The following RIMS2 variants were observed in gnomAD, a reference collection of about 807,000 sequenced individuals.
RIMS2 encodes regulating synaptic membrane exocytosis 2.
RIMS2 carries 59 observed loss-of-function variants against 174.4 expected under a neutral mutation model. The ratio of observed to expected loss-of-function variants is 0.34; its 90% CI spans 0.27 to 0.42. RIMS2 has a LOEUF of 0.42. Among genes scored for constraint, RIMS2 ranks in the 10% least tolerant of loss-of-function variants. The pLI is 1.00. For synonymous variants in RIMS2, 606 were observed against 572.5 expected, an observed-to-expected ratio of 1.06 and a Z score of -0.84; for missense variants, 1,620 against 1,666.3, an observed-to-expected ratio of 0.97 and a Z score of 0.48.
intron 19 of RIMS2, among the ~76,000 whole-genome samples, chr8:104,194,885 G>A (rs147921084): frequency 6.6e-6 from 1 of 152,252 alleles, no homozygotes; most frequent in Non-Finnish European, 1.5e-5. Context: ...ACAAACATGT[G>A]GGATTTAAGA....
intron 1 of RIMS2, among the ~76,000 whole-genome samples, chr8:103,623,417 C>T (rs980323272): frequency 2.7e-5 from 4 of 149,248 alleles, no homozygotes; most frequent in Admixed American, 6.7e-5. Context: ...ATAATTGGCT[C>T]TCAATAAATG....
intron 3 of RIMS2, among the ~76,000 whole-genome samples, chr8:103,786,346 C>A (rs983775881): frequency 5.3e-5 from 8 of 151,958 alleles, no homozygotes; most frequent in Admixed American, 2.6e-4. Context: ...TTTTCTAGTT[C>A]TTTTAATTGT....
chr8:103,977,171 T>A (rs930520993), intron 16 of RIMS2: 3 of 152,180 alleles, frequency 2.0e-5, no homozygotes, highest in Non-Finnish European at 4.4e-5. Context: ...GTTTGAAGGA[T>A]ATAAGACACT....
intron 12 of RIMS2, among the ~76,000 whole-genome samples, chr8:103,932,639 T>C (rs2080230928): frequency 6.6e-6 from 1 of 152,232 alleles, no homozygotes; most frequent in Non-Finnish European, 1.5e-5. Context: ...CTCAAAATTT[T>C]GAAGAGAAAC....
chr8:103,813,372 A>G (rs901661811), intron 3 of RIMS2, among the ~76,000 whole-genome samples: 2 of 142,466 alleles, frequency 1.4e-5, no homozygotes, highest in Non-Finnish European at 3.1e-5. Context: ...GTTCTTAAAT[A>G]ATTTTAAGAA....
intron 3 of RIMS2, among the ~76,000 whole-genome samples, chr8:103,798,089 TATTG>T (rs1592667782): frequency 6.6e-6 from 1 of 152,148 alleles, no homozygotes; most frequent in African/African-American, 2.4e-5. Context: ...TAGTCTACAA[TATTG>T]ATTAAGTATA....
At chr8:104,022,794 C>G (rs2096138671) in intron 19 of RIMS2, among the ~76,000 whole-genome samples, 1 of 152,164 alleles carries the variant, frequency 6.6e-6, no homozygotes, top group Non-Finnish European at 1.5e-5. Flanking sequence ...TATACACACA[C>G]TTATAAATTT....
intron 19 of RIMS2, among the ~76,000 whole-genome samples, chr8:104,172,423 C>T (rs962006755): frequency 6.6e-6 from 1 of 152,148 alleles, no homozygotes; most frequent in Non-Finnish European, 1.5e-5. Flanking sequence ...ACAAGCCAAA[C>T]TTAACCTGCT....
At chr8:103,769,629 TATCTGTA>T (rs200650581) in intron 3 of RIMS2, among the ~76,000 whole-genome samples, 2,897 of 152,222 alleles carry the variant, frequency 0.019, 33 homozygotes, top group Non-Finnish European at 0.029. Flanking sequence ...CCCGGTTGCC[TATCTGTA>T]ATCTTTGAAG....
At chr8:104,154,426 T>G (rs954173964) in intron 19 of RIMS2, among the ~76,000 whole-genome samples, 3 of 152,180 alleles carry the variant, frequency 2.0e-5, no homozygotes, top group African/African-American at 7.2e-5. Context: ...GGTAACTAAG[T>G]TAACTGGATT....
intron 19 of RIMS2, among the ~76,000 whole-genome samples, chr8:104,187,987 A>T (rs1216334378): frequency 6.6e-6 from 1 of 151,790 alleles, no homozygotes; most frequent in Non-Finnish European, 1.5e-5. Flanking sequence ...AGTCTCATGA[A>T]CCCTTCACCT....
At chr8:104,040,067 C>T (rs1048392403) in intron 19 of RIMS2, among the ~76,000 whole-genome samples, 1 of 151,508 alleles carries the variant, frequency 6.6e-6, no homozygotes, top group African/African-American at 2.4e-5. Context: ...GTCATCTTAG[C>T]ACTAATGGAC....
At chr8:104,219,669 G>A (rs1193809122) in intron 19 of RIMS2, among the ~76,000 whole-genome samples, 2 of 151,968 alleles carry the variant, frequency 1.3e-5, no homozygotes, top group Non-Finnish European at 2.9e-5. Context: ...GCTTTTAGAT[G>A]ACAATTTATT....
chr8:103,962,556 A>T (rs2090477767), intron 15 of RIMS2, among the ~76,000 whole-genome samples: 1 of 152,224 alleles, frequency 6.6e-6, no homozygotes, highest in African/African-American at 2.4e-5. Context: ...GCTACTTTGA[A>T]ATCCAATGCG....
intron 3 of RIMS2, among the ~76,000 whole-genome samples, chr8:103,813,732 T>C (rs2154465236): frequency 6.6e-6 from 1 of 152,316 alleles, no homozygotes; most frequent in East Asian, 1.9e-4. Context: ...GGACATGAAC[T>C]CATCCTTTTT....
chr8:103,510,037 A>G (rs970641720), intron 1 of RIMS2, among the ~76,000 whole-genome samples: 1 of 152,186 alleles, frequency 6.6e-6, no homozygotes, highest in Non-Finnish European at 1.5e-5. Context: ...AACTGGATAA[A>G]TGCTCCTTTA....
chr8:104,243,788 G>A (rs989825656), intron 19 of RIMS2, among the ~76,000 whole-genome samples: 1 of 152,144 alleles, frequency 6.6e-6, no homozygotes, highest in Admixed American at 6.5e-5. Context: ...AGTTAAGCCC[G>A]ACAAGAAGTA....
intron 1 of RIMS2, among the ~76,000 whole-genome samples, chr8:103,643,520 A>T (rs984495224): frequency 6.6e-6 from 1 of 152,144 alleles, no homozygotes; most frequent in Admixed American, 6.6e-5. Flanking sequence ...TTAGGTCTTA[A>T]GTATGACATT....
At chr8:103,514,271 T>C (rs1219596224) in intron 1 of RIMS2, among the ~76,000 whole-genome samples, 1 of 152,236 alleles carries the variant, frequency 6.6e-6, no homozygotes, top group Non-Finnish European at 1.5e-5. Context: ...TGATTTGTCC[T>C]CTCTTCATTT....
Sources: allele counts gnomAD v4.1 joint callset (sites outside exome capture counted in the v4.1 genomes callset), GRCh38; gene constraint gnomAD v4.1.1; transcripts MANE v1.5; gene names NCBI Gene and HGNC (gene_info 2026-07-23, HGNC 2026-07-21).